RIBC2: variants seen among roughly 807,000 people sequenced by gnomAD.
The protein encoded by RIBC2 is RIB43A-like with coiled-coils protein 2.
A neutral mutation model predicts 44.3 loss-of-function variants in RIBC2; 40 were observed. The ratio of observed to expected loss-of-function variants is 0.90; its 90% CI spans 0.70 to 1.18. The LOEUF is 1.18. RIBC2 is among the 50% of genes most tolerant of loss of function. The pLI, the probability that RIBC2 is intolerant of heterozygous loss-of-function variation, is 0.00. For synonymous variants in RIBC2, 171 were observed against 175.0 expected, an observed-to-expected ratio of 0.98 and a Z score of 0.18; for missense variants, 459 against 485.5, an observed-to-expected ratio of 0.95 and a Z score of 0.51.
intron 2 of RIBC2, 29 bp downstream of exon 2, chr22:45,414,432 G>A (rs1295503657): frequency 6.7e-7 from 1 of 1,483,306 alleles, no homozygotes; most frequent in Non-Finnish European, 9.1e-7. Flanking sequence ...CTTATCTATT[G>A]GTTTAGGATT....
intron 2 of RIBC2, among the ~76,000 whole-genome samples, chr22:45,416,088 G>A (rs2087422515): frequency 6.6e-6 from 1 of 152,090 alleles, no homozygotes; most frequent in African/African-American, 2.4e-5. Context: ...TTATGTAAAT[G>A]GTATCCTATT....
Position 45,426,120 on chromosome 22 carries a change from A to G in RIBC2, c.848A>G (p.Gln283Arg). Residue 283 changes from glutamine to arginine, a missense_variant, in exon 5 of 7, where the codon CAG becomes CGG. Transcript: ENST00000614167. ...VVPDRWKGMT[Q>R]EQLEQIRLVQ... ...CCTGACCGCTGGAAGGGCATGACCC[A>G]GGAGCAGCTGGAGCAGATCCGCCTA... The G allele has an allele frequency of 1.2e-6, 2 of 1,614,028 alleles. No homozygotes were observed. Among genetic ancestry groups the G allele is most frequent in the African/African-American group, 2.7e-5 (2 of 75,058 alleles).
intron 2 of RIBC2, among the ~76,000 whole-genome samples, chr22:45,416,869 C>T (rs1457432663): frequency 1.3e-5 from 2 of 149,440 alleles, no homozygotes; most frequent in Non-Finnish European, 3.0e-5. Context: ...TATGGGTGAT[C>T]ATCCTTTCAT....
At chr22:45,422,458 C>A in intron 4 of RIBC2, 50 bp downstream of exon 4, 2 of 1,305,470 alleles carry the variant, frequency 1.5e-6, no homozygotes, top group Non-Finnish European at 2.2e-6. Context: ...GGAGGATGAG[C>A]CCACTACGGC....
chr22:45,421,893 G>A (rs1275865948), intron 3 of RIBC2, among the ~76,000 whole-genome samples: 1 of 151,982 alleles, frequency 6.6e-6, no homozygotes, highest in Admixed American at 6.6e-5. Context: ...GTCCTGTCTG[G>A]TTTCTTGCTC....
At chr22:45,421,311 T>C (rs933510190) in intron 3 of RIBC2, among the ~76,000 whole-genome samples, 2 of 25,940 alleles carry the variant, frequency 7.7e-5, no homozygotes, top group East Asian at 1.9e-3. Flanking sequence ...AATAATACTA[T>C]TATTATTATT....
At position 45,432,284 on chromosome 22, in the gene RIBC2, GAA is replaced by G. The variant is rs781625804; in HGVS notation, c.1076_1077del (p.Lys359IlefsTer4). On this transcript the variant is annotated frameshift_variant and splice_region_variant, in exon 7 of 7. Coordinates refer to ENST00000614167, the MANE Select transcript of RIBC2 (RefSeq NM_015653.5). LOFTEE classifies it high-confidence loss of function. ...TTTTTTTTTCTCATTTTGTTATCAG[GAA>G]AAAATATATGAATGAAGTCTATACA... ...LSLAKEQHLQ[K>X]KYMNEVYTNQ... 1 of 1,526,134 alleles carries G rather than the reference GAA, an allele frequency of 6.6e-7. No individual in the cohort carries two copies. The highest frequency in any genetic ancestry group is 9.0e-7 in the Non-Finnish European group (1 of 1,115,734). The allele number at this position is 1,526,134 out of a possible 1,614,324, so 94.5% of individuals were successfully genotyped here.
At chr22:45,420,077 C>T (rs1480717819) in intron 3 of RIBC2, among the ~76,000 whole-genome samples, 3 of 152,162 alleles carry the variant, frequency 2.0e-5, no homozygotes, top group African/African-American at 4.8e-5. Context: ...CTCCCCTTAT[C>T]CTACAGAGTA....
chr22:45,427,497 G>A (rs998928240), intron 5 of RIBC2, among the ~76,000 whole-genome samples: 12 of 152,292 alleles, frequency 7.9e-5, no homozygotes, highest in East Asian at 1.9e-4. Flanking sequence ...AAAGAAGAAC[G>A]AAAAATGGTT....
chr22:45,431,651 G>C (rs567287208), intron 6 of RIBC2, among the ~76,000 whole-genome samples: 2 of 152,240 alleles, frequency 1.3e-5, no homozygotes, highest in African/African-American at 2.4e-5. Context: ...TATCACTTCT[G>C]CTGAAGGCCT....
At chr22:45,415,496 A>G (rs1177457083) in intron 2 of RIBC2, among the ~76,000 whole-genome samples, 1 of 152,038 alleles carries the variant, frequency 6.6e-6, no homozygotes, top group Non-Finnish European at 1.5e-5. Context: ...TACAAAAACA[A>G]TGTGACAGGT....
At chr22:45,430,852 CT>C in intron 5 of RIBC2, 47 bp from the exon 6 acceptor site, 1 of 1,493,582 alleles carries the variant, frequency 6.7e-7, no homozygotes, top group East Asian at 2.4e-5. Context: ...CCCTGGGGTT[CT>C]TTGGCTCTGG....
At chr22:45,425,305 C>T (rs568001350) in intron 4 of RIBC2, among the ~76,000 whole-genome samples, 12 of 152,166 alleles carry the variant, frequency 7.9e-5, no homozygotes, top group Non-Finnish European at 1.6e-4. Context: ...AGGCCGGCTC[C>T]TTGCAAACTG....
rs1295122797 is a variant in RIBC2, at chr22:45,432,424, G to A, written c.*62G>A. On this transcript the variant is annotated 3_prime_UTR_variant, in exon 7 of 7. Transcript: ENST00000614167. ...AAGAGTGGCTACCTTAAAGAGTCAC[G>A]TTTCTTTTTTAAAGATACACTCCTT... 9 of 1,150,634 alleles carry A rather than the reference G, an allele frequency of 7.8e-6. No homozygotes were observed. The highest frequency in any genetic ancestry group is 4.7e-5 in the East Asian group (2 of 42,368). 71.3% of individuals were successfully genotyped at this position (1,150,634 alleles called of 1,614,324 possible).
intron 3 of RIBC2, 141 bp downstream of exon 3, chr22:45,418,087 T>C (rs2087444409): frequency 6.1e-6 from 4 of 660,534 alleles, no homozygotes; most frequent in Non-Finnish European, 1.0e-5. Flanking sequence ...TTGTTTAAAG[T>C]CCTACCAATG....
chr22:45,419,756 G>C (rs1450743779), intron 3 of RIBC2, among the ~76,000 whole-genome samples: 1 of 151,918 alleles, frequency 6.6e-6, no homozygotes, highest in Non-Finnish European at 1.5e-5. Context: ...ACCGGGCACA[G>C]TGGCTCATGC....
intron 4 of RIBC2, 76 bp downstream of exon 4, chr22:45,422,484 G>C (rs535696152): frequency 7.8e-6 from 8 of 1,030,716 alleles, no homozygotes; most frequent in Non-Finnish European, 1.2e-5. Context: ...AAGGCTCTCC[G>C]GCTTCCCTGG....
intron 2 of RIBC2, 22 bp from the exon 3 acceptor site, chr22:45,417,580 G>A: frequency 6.5e-7 from 1 of 1,539,256 alleles, no homozygotes; most frequent in Non-Finnish European, 8.9e-7. Flanking sequence ...CTAAGCTTAT[G>A]GATATGCTGT....
chr22:45,426,366 A>G (rs1430250623), intron 5 of RIBC2, among the ~76,000 whole-genome samples, 191 bp downstream of exon 5: 1 of 152,262 alleles, frequency 6.6e-6, no homozygotes, highest in Non-Finnish European at 1.5e-5. Flanking sequence ...CATTAGGAGT[A>G]GGAGTGCCAA....
Sources: allele counts gnomAD v4.1 joint callset (sites outside exome capture counted in the v4.1 genomes callset), GRCh38; gene constraint gnomAD v4.1.1; transcripts MANE v1.5; gene names NCBI Gene and HGNC (gene_info 2026-07-23, HGNC 2026-07-21).